Variants in HOGA1 observed in about 807,000 individuals in gnomAD.
HOGA1 encodes 4-hydroxy-2-oxoglutarate aldolase 1, also known as 4-hydroxy-2-oxoglutarate aldolase, mitochondrial.
Under a neutral mutation model 34.3 loss-of-function variants are expected in HOGA1, and 30 were observed. The observed-to-expected ratio is 0.87, with a 90% confidence interval of 0.65 to 1.19. The LOEUF is 1.19. HOGA1 is among the 50% of genes most tolerant of loss of function. HOGA1 has a pLI of 0.00. For synonymous variants in HOGA1, 161 were observed against 174.0 expected (o/e 0.93, Z 0.59); for missense variants, 417 against 436.5 (o/e 0.96, Z 0.40).
Position 97,600,060 on chromosome 10 carries a change from G to C in HOGA1, c.604-7G>C, listed in dbSNP as rs967028585. 1 of 1,613,500 alleles carries C rather than the reference G, an allele frequency of 6.2e-7. No homozygotes were observed. The highest frequency in any genetic ancestry group is 8.5e-7 in the Non-Finnish European group (1 of 1,179,564). On this transcript the variant is annotated splice_polypyrimidine_tract_variant and splice_region_variant and intron_variant, in intron 4 of 6. Coordinates refer to ENST00000370646, the MANE Select transcript of HOGA1 (RefSeq NM_138413.4). ...GCACAGCTCTCACACCACATTTGCT[G>C]TTGCAGGTGACCAGGATTGGGCTGA...
In HOGA1 at chr10:97,599,745, G is replaced by C; in HGVS notation, c.534G>C (p.Leu178=). The stretch of plus-strand genomic sequence containing the variant: ...TCCCAGCCAACACAGGGCTGGACCT[G>C]CCTGTGGATGCAGTGGTCACGCTTT... ...YSVPANTGLD[L]PVDAVVTLSQ... Residue 178 remains leucine, a synonymous_variant, in exon 4 of 7, where the codon CTG becomes CTC. Transcript: ENST00000370646. 2 of 1,614,226 alleles carry C rather than the reference G, an allele frequency of 1.2e-6. No homozygotes were observed. The highest frequency in any genetic ancestry group is 1.7e-6 in the Non-Finnish European group (2 of 1,180,040).
At chr10:97,602,102 A>G in intron 6 of HOGA1, 112 bp downstream of exon 6, 2 of 1,550,354 alleles carry the variant, frequency 1.3e-6, no homozygotes, top group Non-Finnish European at 1.7e-6. Flanking sequence ...TCCTTTCAGA[A>G]AATCCTTTGA....
intron 1 of HOGA1, chr10:97,590,094 G>A: frequency 6.2e-7 from 1 of 1,614,162 alleles, no homozygotes; most frequent in Non-Finnish European, 8.5e-7. Context: ...GAGAGTGGGA[G>A]TGAAGAGGTC....
At chr10:97,598,369 A>G (rs964060202) in intron 1 of HOGA1, among the ~76,000 whole-genome samples, 1 of 152,288 alleles carries the variant, frequency 6.6e-6, no homozygotes. Context: ...AATACTATAC[A>G]GCAATTAAAA....
intron 1 of HOGA1, among the ~76,000 whole-genome samples, 185 bp from the exon 2 acceptor site, chr10:97,598,590 G>C (rs1349395318): frequency 6.6e-6 from 1 of 152,212 alleles, no homozygotes; most frequent in Non-Finnish European, 1.5e-5. Flanking sequence ...CTGGGCAACA[G>C]AGTGAGACCC....
intron 6 of HOGA1, 41 bp downstream of exon 6, chr10:97,602,031 G>A: frequency 1.9e-6 from 3 of 1,584,452 alleles, no homozygotes; most frequent in Non-Finnish European, 2.6e-6. Context: ...GCGGGGGGTG[G>A]GCAGTCTGTG....
rs147255860 is a variant in HOGA1, at chr10:97,606,962, T to C, written c.835-4548T>C. On this transcript the variant is annotated intron_variant, in intron 6 of 6. Transcript: ENST00000370646. ...GTTTCCAGCCAACAAGTCCTGTACA[T>C]ATTTTTAAAAACTGACACCTAAGGA... is the stretch of plus-strand genomic sequence containing the variant. 2.5e-3 allele frequency among the ~76,000 whole-genome samples: 382 copies of C among 152,280 alleles called. 1 individual carries two copies. The highest frequency in any genetic ancestry group is 4.1e-3 in the Non-Finnish European group (276 of 68,006).
chr10:97,587,579 C>T (rs545089509), intron 1 of HOGA1, among the ~76,000 whole-genome samples: 1 of 152,120 alleles, frequency 6.6e-6, no homozygotes, highest in South Asian at 2.1e-4. Flanking sequence ...CATGATTTGC[C>T]TCACTGAAAC....
At chr10:97,605,818 TC>T (rs2041152782) in intron 6 of HOGA1, among the ~76,000 whole-genome samples, 1 of 152,216 alleles carries the variant, frequency 6.6e-6, no homozygotes, top group African/African-American at 2.4e-5. Context: ...CTTTATAGCT[TC>T]TAAATACTAG....
chr10:97,594,762 A>T (rs2041056130), intron 1 of HOGA1, among the ~76,000 whole-genome samples: 1 of 152,160 alleles, frequency 6.6e-6, no homozygotes, highest in Non-Finnish European at 1.5e-5. Context: ...AAGTGCTGGG[A>T]TTACAGGTGT....
intron 5 of HOGA1, chr10:97,600,383 A>G (rs2041107200): frequency 5.0e-6 from 3 of 606,010 alleles, no homozygotes; most frequent in Admixed American, 2.6e-5. Flanking sequence ...GCCGTGTACA[A>G]TCCCTGGCCT....
intron 3 of HOGA1, 177 bp from the exon 4 acceptor site, chr10:97,599,503 A>T: frequency 4.7e-6 from 4 of 842,820 alleles, no homozygotes; most frequent in Non-Finnish European, 7.9e-6. Flanking sequence ...TATGGAAAGC[A>T]CTCCATAAAT....
chr10:97,602,007 G>A lies in HOGA1; in HGVS notation c.834+17G>A, dbSNP rs534398524. On this transcript the variant is annotated intron_variant, in intron 6 of 6. Coordinates refer to ENST00000370646, the MANE Select transcript of HOGA1 (RefSeq NM_138413.4). ...AACGCTGCGGTGAGCCAGTGGCAGC[G>A]GGGGCGCGGCCTGGCGGGGGGTGGG... 2.9e-5 allele frequency: 47 copies of A among 1,606,174 alleles called. No individual in the cohort carries two copies. The highest frequency in any genetic ancestry group is 1.1e-4 in the African/African-American group (8 of 74,992).
chr10:97,585,368 C>CG (rs1414797515), intron 1 of HOGA1, among the ~76,000 whole-genome samples: 3 of 152,178 alleles, frequency 2.0e-5, no homozygotes, highest in Non-Finnish European at 2.9e-5. Flanking sequence ...TCTCCTGTGA[C>CG]CCCTTGGCTC....
chr10:97,611,548 C>A lies in HOGA1; in HGVS notation c.873C>A (p.Ile291=), dbSNP rs1434804864. 1.9e-6 allele frequency: 3 copies of A among 1,614,260 alleles called. No homozygotes were observed. The Admixed American group carries it at 5.0e-5, about 27-fold the overall frequency. Residue 291 remains isoleucine (I), a synonymous_variant, in exon 7 of 7, where the codon ATC becomes ATA. Coordinates refer to ENST00000370646, the MANE Select transcript of HOGA1 (RefSeq NM_138413.4). Reference sequence around the variant, plus strand: ...TTGGGATCCCAGGGCTGAAGAAAATCATGGACTGGTTTGGCTACTATGGAG... The same window carrying A: ...TTGGGATCCCAGGGCTGAAGAAAATAATGGACTGGTTTGGCTACTATGGAG... The part of the protein sequence containing the change: ...RRFGIPGLKK[I]MDWFGYYGGP...
chr10:97,602,580 C>T, intron 6 of HOGA1: 1 of 985,316 alleles, frequency 1.0e-6, no homozygotes, highest in South Asian at 4.7e-5. Context: ...CCCCTGTATT[C>T]AAGTTTTAAT....
In HOGA1 at chr10:97,611,581, C is replaced by A; in HGVS notation, c.906C>A (p.Cys302Ter). ...GGTTTGGCTACTATGGAGGCCCCTG[C>A]CGCGCCCCCTTGCAGGAGCTGAGCC... ...MDWFGYYGGP[C>*]RAPLQELSPA... is the part of the protein sequence containing the mutation. Residue 302 changes from cysteine (C) to a stop codon, truncating the protein, a stop_gained, in exon 7 of 7, where the codon TGC becomes TGA. Coordinates refer to ENST00000370646, the MANE Select transcript of HOGA1 (RefSeq NM_138413.4). LOFTEE classifies it high-confidence loss of function. 1 of 1,614,150 alleles carries A rather than the reference C, an allele frequency of 6.2e-7. No homozygotes were observed. The highest frequency in any genetic ancestry group is 1.1e-5 in the South Asian group (1 of 91,086).
chr10:97,589,537 C>T (rs1273190588), intron 1 of HOGA1, among the ~76,000 whole-genome samples: 3 of 151,990 alleles, frequency 2.0e-5, no homozygotes, highest in Non-Finnish European at 2.9e-5. Context: ...CTGGGGACAG[C>T]TGTCAGGGTA....
chr10:97,592,741 T>C (rs535375213), intron 1 of HOGA1, among the ~76,000 whole-genome samples: 4 of 151,982 alleles, frequency 2.6e-5, no homozygotes, highest in African/African-American at 9.6e-5. Flanking sequence ...AAAAAAAGAA[T>C]GGTCAGGCTG....
Sources: gnomAD v4.1 joint callset for allele counts (sites outside exome capture counted in the v4.1 genomes callset) on GRCh38, gnomAD v4.1.1 for gene constraint, MANE v1.5 for transcripts, NCBI Gene and HGNC (gene_info 2026-07-23, HGNC 2026-07-21) for gene names.